The following ADARB2 variants were observed in gnomAD, a reference collection of about 807,000 sequenced individuals.
ADARB2 encodes adenosine deaminase RNA specific B2 (inactive).
A neutral mutation model predicts 62.2 loss-of-function variants in ADARB2; 25 were observed. The ratio of observed to expected loss-of-function variants is 0.40; its 90% CI spans 0.29 to 0.56. The LOEUF is 0.56. Ranked by LOEUF, ADARB2 falls within the 20% of genes least tolerant of loss-of-function variation. ADARB2 has a pLI of 0.43. For missense variants in ADARB2, 1,071 were observed against 1,077.4 expected, an observed-to-expected ratio of 0.99 and a Z score of 0.08; for synonymous variants, 572 against 500.8, an observed-to-expected ratio of 1.14 and a Z score of -1.90.
intron 1 of ADARB2, among the ~76,000 whole-genome samples, chr10:1,670,191 T>A (rs549258434): frequency 6.6e-6 from 1 of 152,350 alleles, no homozygotes; most frequent in African/African-American, 2.4e-5. Context: ...TTTCCTTCTG[T>A]TAGCAGCCAA....
intron 1 of ADARB2, among the ~76,000 whole-genome samples, chr10:1,501,601 G>A (rs1330373547): frequency 1.3e-5 from 2 of 152,144 alleles, no homozygotes; most frequent in African/African-American, 2.4e-5. Flanking sequence ...ATGAAAAATA[G>A]CAAAAATCAA....
At position 1,178,085 on chromosome 10, in the gene ADARB2, C is replaced by G. The variant is rs1836612986; in HGVS notation, c.*5108G>C. 6.6e-6 allele frequency: 1 copy of G among 152,292 alleles called. No individual in the cohort carries two copies. The highest frequency in any genetic ancestry group is 2.1e-4 in the South Asian group (1 of 4,830). 9.4% of individuals were successfully genotyped at this position (152,292 alleles called of 1,614,324 possible). On this transcript the variant is annotated 3_prime_UTR_variant, in exon 10 of 10. Coordinates refer to ENST00000381312, the MANE Select transcript of ADARB2 (RefSeq NM_018702.4). ...AATGACTGCAGCAACTCCCTGTGCA[C>G]AAGGCATCAGGAACCCAGCGGGGCT...
At position 1,203,474 on chromosome 10, in the gene ADARB2, C is replaced by T. The variant is rs150463206; in HGVS notation, c.1683-3327G>A. Among the ~76,000 whole-genome samples, 135 of 152,364 alleles carry T rather than the reference C, an allele frequency of 8.9e-4. 1 individual carries two copies. The highest frequency in any genetic ancestry group is 3.1e-3 in the African/African-American group (130 of 41,584). On this transcript the variant is annotated intron_variant, in intron 7 of 9. Coordinates refer to ENST00000381312, the MANE Select transcript of ADARB2 (RefSeq NM_018702.4). ...CGCGGCCCTGTGAGGAGAAGTAACT[C>T]TCTAAAGTTACATGAAGCCTGCAGC...
At chr10:1,594,756 C>T (rs1833308092) in intron 1 of ADARB2, among the ~76,000 whole-genome samples, 1 of 152,202 alleles carries the variant, frequency 6.6e-6, no homozygotes, top group South Asian at 2.1e-4. Context: ...CTTAAAGAGC[C>T]TCCAGTTTTT....
Position 1,692,976 on chromosome 10 carries a change from C to T in ADARB2, c.100+44075G>A, listed in dbSNP as rs112105576. On this transcript the variant is annotated intron_variant, in intron 1 of 9. Coordinates refer to ENST00000381312, the MANE Select transcript of ADARB2 (RefSeq NM_018702.4). ...TTCCTCATGCAGCCTCTAACCTATACTGGACCTCCCCACCCTCCAGGTGCT... is the reference window on the plus strand; with the variant it reads ...TTCCTCATGCAGCCTCTAACCTATATTGGACCTCCCCACCCTCCAGGTGCT... 5.9e-3 allele frequency among the ~76,000 whole-genome samples: 896 copies of T among 152,276 alleles called. 5 individuals are homozygous for T. The highest frequency in any genetic ancestry group is 0.02 in the African/African-American group (831 of 41,556).
chr10:1,578,068 C>A (rs1480260626), intron 1 of ADARB2, among the ~76,000 whole-genome samples: 2 of 152,188 alleles, frequency 1.3e-5, no homozygotes, highest in African/African-American at 4.8e-5. Flanking sequence ...CCAGCCACCC[C>A]ATCTGCGGGG....
At chr10:1,707,421 C>T (rs1403725927) in intron 1 of ADARB2, among the ~76,000 whole-genome samples, 3 of 152,254 alleles carry the variant, frequency 2.0e-5, no homozygotes, top group Non-Finnish European at 2.9e-5. Flanking sequence ...TGATTTGTAG[C>T]GTCTTTGGCC....
chr10:1,430,544 A>C (rs1208527917), intron 1 of ADARB2, among the ~76,000 whole-genome samples: 1 of 152,226 alleles, frequency 6.6e-6, no homozygotes, highest in Non-Finnish European at 1.5e-5. Context: ...GATTGAAATT[A>C]AAAGGATGGG....
chr10:1,632,847 C>T (rs1026343407), intron 1 of ADARB2, among the ~76,000 whole-genome samples: 2 of 152,176 alleles, frequency 1.3e-5, no homozygotes, highest in Non-Finnish European at 2.9e-5. Flanking sequence ...TTGGGGCTGC[C>T]CAGGGGGCTG....
chr10:1,455,771 T>A (rs953838829), intron 1 of ADARB2, among the ~76,000 whole-genome samples: 1 of 152,228 alleles, frequency 6.6e-6, no homozygotes, highest in Admixed American at 6.5e-5. Flanking sequence ...GCAAACTTAT[T>A]TTTTATAGGG....
chr10:1,431,050 A>G (rs938155897), intron 1 of ADARB2, among the ~76,000 whole-genome samples: 1 of 152,240 alleles, frequency 6.6e-6, no homozygotes, highest in African/African-American at 2.4e-5. Context: ...CTTGAACAAC[A>G]CCATCAACTA....
At chr10:1,582,746 T>C (rs938693) in intron 1 of ADARB2, among the ~76,000 whole-genome samples, 91,541 of 152,028 alleles carry the variant, frequency 0.6, 27,892 homozygotes, top group African/African-American at 0.68. Flanking sequence ...TCACCCTCCA[T>C]AAATTCCCAT....
chr10:1,351,465 AC>A (rs1564265728), intron 3 of ADARB2, among the ~76,000 whole-genome samples: 5 of 150,810 alleles, frequency 3.3e-5, no homozygotes, highest in Non-Finnish European at 7.4e-5. Flanking sequence ...TCTTTTAAGT[AC>A]TCCTTTTAGT....
intron 1 of ADARB2, among the ~76,000 whole-genome samples, chr10:1,606,729 G>T (rs960500058): frequency 6.6e-6 from 1 of 152,146 alleles, no homozygotes; most frequent in African/African-American, 2.4e-5. Flanking sequence ...AGAGCTGACA[G>T]GCTCCTGCAC....
chr10:1,715,803 C>A (rs1003423445), intron 1 of ADARB2, among the ~76,000 whole-genome samples: 2 of 152,248 alleles, frequency 1.3e-5, no homozygotes, highest in African/African-American at 4.8e-5. Context: ...AGCTGCCTTG[C>A]AGCACAGTTA....
chr10:1,567,708 G>A (rs964443016), intron 1 of ADARB2, among the ~76,000 whole-genome samples: 31 of 152,316 alleles, frequency 2.0e-4, no homozygotes, highest in African/African-American at 7.0e-4. Flanking sequence ...TCGATGTCTT[G>A]GAGGCAGACC....
chr10:1,266,609 G>A (rs1831206500), intron 4 of ADARB2, among the ~76,000 whole-genome samples: 1 of 151,966 alleles, frequency 6.6e-6, no homozygotes, highest in South Asian at 2.1e-4. Flanking sequence ...GTGGGAGAAG[G>A]ACCAGCCGGC....
chr10:1,621,939 AG>A (rs1833709017), intron 1 of ADARB2, among the ~76,000 whole-genome samples: 1 of 152,164 alleles, frequency 6.6e-6, no homozygotes, highest in Non-Finnish European at 1.5e-5. Flanking sequence ...AAAAAAATAA[AG>A]AAAGAAAAAG....
chr10:1,574,901 G>A (rs761588829), intron 1 of ADARB2, among the ~76,000 whole-genome samples: 1 of 152,168 alleles, frequency 6.6e-6, no homozygotes, highest in African/African-American at 2.4e-5. Flanking sequence ...AAGAGGATTT[G>A]AGGGGTGATC....
Sources: allele counts gnomAD v4.1 joint callset (sites outside exome capture counted in the v4.1 genomes callset), GRCh38; gene constraint gnomAD v4.1.1; transcripts MANE v1.5; gene names NCBI Gene and HGNC (gene_info 2026-07-23, HGNC 2026-07-21).